The following CDC20B variants were observed in gnomAD, a reference collection of about 807,000 sequenced individuals.
CDC20B encodes the protein cell division cycle 20B.
A neutral mutation model predicts 64.1 loss-of-function variants in CDC20B; 58 were observed. That is an observed-to-expected ratio of 0.90 (90% CI 0.73 to 1.13). The LOEUF is 1.13. Ranked by LOEUF, CDC20B falls within the 50% of genes most tolerant of loss-of-function variation. CDC20B has a pLI of 0.00. For synonymous variants in CDC20B, 243 were observed against 230.6 expected, an observed-to-expected ratio of 1.05 and a Z score of -0.49; for missense variants, 597 against 633.0, an observed-to-expected ratio of 0.94 and a Z score of 0.61.
chr5:55,142,217 T>G (rs868471625), intron 4 of CDC20B, among the ~76,000 whole-genome samples: 15 of 152,210 alleles, frequency 9.9e-5, no homozygotes, highest in Non-Finnish European at 1.6e-4. Context: ...CAGGCCCTCG[T>G]TGTGGAAACA....
At position 55,172,322 on chromosome 5, in the gene CDC20B, A is replaced by G. The variant is rs146466616; in HGVS notation, c.126+266T>C. On this transcript the variant is annotated intron_variant, in intron 2 of 11. Transcript: ENST00000381375. ...ACTGTTAAAATCATTAACAGCCGCT[A>G]GCAATACACTGCCTACCTGACACAT... 29 of 386,614 alleles carry G rather than the reference A, an allele frequency of 7.5e-5. No homozygotes were observed. The East Asian group carries it at 1.5e-3, about 20-fold the overall frequency. The allele number at this position is 386,614 out of a possible 1,614,324, so 23.9% of individuals were successfully genotyped here. A position where few individuals can be genotyped will look rare whatever the true frequency, so the allele number is the denominator to read the frequency against.
At position 55,124,923 on chromosome 5, in the gene CDC20B, C is replaced by T. The variant is rs375917242; in HGVS notation, c.1095G>A (p.Pro365=). 2.1e-5 allele frequency: 34 copies of T among 1,614,032 alleles called. No individual in the cohort carries two copies. Among genetic ancestry groups the T allele is most frequent in the East Asian group, 1.1e-4 (5 of 44,900 alleles). The change falls in exon 9 of 12, where the codon CCG becomes CCA. Residue 365 remains proline, a synonymous_variant. Coordinates refer to ENST00000381375, the MANE Select transcript of CDC20B (RefSeq NM_001170402.1). ...KQAVCALKWS[P]DGRLLSSGCS... is the part of the protein sequence containing the mutation. ...AGCCGCTGGAAAGCAGCCTGCCATC[C>T]GGTGACCACTTCAGAGCACACACAG...
intron 2 of CDC20B, 95 bp downstream of exon 2, chr5:55,172,493 C>A: frequency 9.9e-7 from 1 of 1,005,054 alleles, no homozygotes; most frequent in Non-Finnish European, 1.5e-6. Flanking sequence ...TATTTTCAGA[C>A]CAGCTCAAAC....
intron 2 of CDC20B, among the ~76,000 whole-genome samples, chr5:55,169,506 G>C (rs1373736387): frequency 2.0e-5 from 3 of 152,114 alleles, no homozygotes; most frequent in Non-Finnish European, 2.9e-5. Context: ...TGCCTCCAAG[G>C]TAATGAGAAT....
intron 3 of CDC20B, among the ~76,000 whole-genome samples, chr5:55,145,560 G>C (rs528533807): frequency 1.5e-4 from 23 of 152,326 alleles, no homozygotes; most frequent in African/African-American, 5.3e-4. Flanking sequence ...TTCAGAAAGA[G>C]AGTTTGTGTT....
At chr5:55,170,733 A>T in intron 2 of CDC20B, 1 of 527,916 alleles carries the variant, frequency 1.9e-6, no homozygotes, top group Non-Finnish European at 3.9e-6. Context: ...TGCCTACCTG[A>T]TTCAGGTCAC....
intron 11 of CDC20B, among the ~76,000 whole-genome samples, chr5:55,119,185 G>T (rs1164604495): frequency 1.3e-5 from 2 of 152,152 alleles, no homozygotes; most frequent in Admixed American, 1.3e-4. Flanking sequence ...CACCAGTTTT[G>T]TCTTCCTGTT....
chr5:55,172,481 C>A, intron 2 of CDC20B, 107 bp downstream of exon 2: 1 of 895,364 alleles, frequency 1.1e-6, no homozygotes. Flanking sequence ...CTAAAATTCT[C>A]ATATTTTCAG....
At position 55,120,556 on chromosome 5, in the gene CDC20B, A is replaced by G. The variant is rs1235098249; in HGVS notation, c.1216-6T>C. The stretch of plus-strand genomic sequence containing the variant: ...CAGGGACACCAATCCATGGCCTTTA[A>G]AGTTTCACATAATAGCACAGACAGG... On this transcript the variant is annotated splice_polypyrimidine_tract_variant and splice_region_variant and intron_variant, in intron 9 of 11. Transcript: ENST00000381375. 3 of 1,612,950 alleles carry G rather than the reference A, an allele frequency of 1.9e-6. No homozygotes were observed. The highest frequency in any genetic ancestry group is 1.7e-6 in the Non-Finnish European group (2 of 1,179,264).
chr5:55,134,482 G>T (rs1264492825), intron 5 of CDC20B, among the ~76,000 whole-genome samples: 1 of 152,198 alleles, frequency 6.6e-6, no homozygotes, highest in Non-Finnish European at 1.5e-5. Flanking sequence ...AACTCCTGGG[G>T]CTGGGCACGG....
At chr5:55,120,615 T>C in intron 9 of CDC20B, 65 bp from the exon 10 acceptor site, 1 of 1,590,780 alleles carries the variant, frequency 6.3e-7, no homozygotes. Flanking sequence ...ATGAATGTGA[T>C]GCACTTAGGT....
chr5:55,167,866 C>T (rs1276083752), intron 2 of CDC20B, among the ~76,000 whole-genome samples: 1 of 151,890 alleles, frequency 6.6e-6, no homozygotes, highest in East Asian at 1.9e-4. Context: ...CCCATCTCTA[C>T]AAAAAAAATT....
At chr5:55,130,215 A>C (rs1742994454) in intron 6 of CDC20B, among the ~76,000 whole-genome samples, 1 of 152,144 alleles carries the variant, frequency 6.6e-6, no homozygotes, top group Non-Finnish European at 1.5e-5. Context: ...CAAAATACAA[A>C]CTTTAAAATG....
chr5:55,133,492 A>C lies in CDC20B; in HGVS notation c.617T>G (p.Leu206Arg). The change falls in exon 6 of 12, where the codon CTT becomes CGT. Residue 206 changes from leucine (L) to arginine (R), a missense_variant. Leu to Arg is a moderately radical substitution (Grantham distance 102). Transcript: ENST00000381375. ...KDGVRDESFH[L>R]KSSGDINDSI... The stretch of plus-strand genomic sequence containing the variant: ...ATCGTTTATATCACCAGAACTTTTA[A>C]GATGGAAGGATTCATCTCTGACTCC... The C allele has an allele frequency of 1.3e-6, 2 of 1,576,472 alleles. No homozygotes were observed. Among genetic ancestry groups the C allele is most frequent in the Non-Finnish European group, 1.7e-6 (2 of 1,154,692 alleles).
intron 6 of CDC20B, among the ~76,000 whole-genome samples, chr5:55,131,777 C>T (rs1448751018): frequency 2.0e-5 from 3 of 152,100 alleles, no homozygotes; most frequent in African/African-American, 7.2e-5. Flanking sequence ...AGAAAGAGGG[C>T]TGTGCGTCTG....
At chr5:55,160,196 G>C (rs200179703) in intron 2 of CDC20B, 1 of 1,613,356 alleles carries the variant, frequency 6.2e-7, no homozygotes. Context: ...CTCCAACATG[G>C]AGCCTCTTGC....
At chr5:55,144,943 CAGT>C (rs1225734500) in intron 3 of CDC20B, among the ~76,000 whole-genome samples, 1 of 152,124 alleles carries the variant, frequency 6.6e-6, no homozygotes, top group Non-Finnish European at 1.5e-5. Flanking sequence ...ACTGAGAAAC[CAGT>C]AGATCTGATT....
chr5:55,130,248 T>C (rs1380225645), intron 6 of CDC20B, among the ~76,000 whole-genome samples: 2 of 151,778 alleles, frequency 1.3e-5, no homozygotes, highest in Non-Finnish European at 2.9e-5. Context: ...ATCTGAAAAA[T>C]TCCTTGGATA....
intron 6 of CDC20B, among the ~76,000 whole-genome samples, chr5:55,130,238 A>G (rs2111832700): frequency 6.6e-6 from 1 of 152,362 alleles, no homozygotes; most frequent in East Asian, 1.9e-4. Flanking sequence ...AAAATATAAT[A>G]TCTGAAAAAT....
Sources: gnomAD v4.1 joint callset for allele counts (sites outside exome capture counted in the v4.1 genomes callset) on GRCh38, gnomAD v4.1.1 for gene constraint, MANE v1.5 for transcripts, NCBI Gene and HGNC (gene_info 2026-07-23, HGNC 2026-07-21) for gene names.